The following ITGB5 variants were observed in gnomAD, a reference collection of about 807,000 sequenced individuals.
ITGB5 encodes integrin beta-5.
In ITGB5, 38 loss-of-function variants were observed where a neutral mutation model predicts 84.8. The ratio of observed to expected loss-of-function variants is 0.45; its 90% CI spans 0.35 to 0.59. ITGB5 has a LOEUF of 0.59. ITGB5 is among the 20% of genes least tolerant of loss of function. The probability of loss-of-function intolerance (pLI) is 0.01; values close to 1 mark genes in which losing one functional copy is unlikely to be tolerated. For missense variants in ITGB5, 905 were observed against 1,034.5 expected (o/e 0.87, Z 1.72); for synonymous variants, 393 against 414.4 (o/e 0.95, Z 0.63).
intron 10 of ITGB5, among the ~76,000 whole-genome samples, chr3:124,786,669 C>A (rs1449906415): frequency 2.6e-5 from 4 of 152,104 alleles, no homozygotes; most frequent in African/African-American, 9.7e-5. Flanking sequence ...AGACTTGGAG[C>A]AACTTCCAGA....
At chr3:124,769,298 T>C in intron 11 of ITGB5, 185 bp from the exon 12 acceptor site, 1 of 570,302 alleles carries the variant, frequency 1.8e-6, no homozygotes, top group Admixed American at 3.1e-5. Context: ...CAAGGGTTCT[T>C]GGAGGAGCCT....
chr3:124,817,518 G>C (rs972263829), intron 8 of ITGB5, 103 bp downstream of exon 8: 2 of 619,170 alleles, frequency 3.2e-6, no homozygotes, highest in Non-Finnish European at 5.7e-6. Flanking sequence ...GAGCCAAGAA[G>C]AGCAGCACGG....
chr3:124,892,609 C>T (rs1452070964), upstream of ITGB5, among the ~76,000 whole-genome samples: 1 of 143,066 alleles, frequency 7.0e-6, no homozygotes, highest in African/African-American at 2.6e-5. Context: ...GTGGGAGGAT[C>T]GCTTGAGCAC....
chr3:124,832,102 T>G (rs1224407461), intron 5 of ITGB5, among the ~76,000 whole-genome samples: 1 of 152,216 alleles, frequency 6.6e-6, no homozygotes, highest in Non-Finnish European at 1.5e-5. Flanking sequence ...AGGAAACTCT[T>G]AGCTCCAGAA....
upstream of ITGB5, chr3:124,887,710 T>C (rs1170309232): frequency 1.3e-5 from 6 of 453,180 alleles, no homozygotes; most frequent in South Asian, 6.2e-5. Flanking sequence ...CCGAGATTAC[T>C]TGGGCCAAAG....
intron 4 of ITGB5, among the ~76,000 whole-genome samples, chr3:124,844,205 CAAA>C (rs58956636): frequency 0.033 from 2,849 of 85,918 alleles, 101 homozygotes; most frequent in African/African-American, 0.12. Context: ...TTGGTTTTGG[CAAA>C]AAAAAAAAAA....
chr3:124,866,689 T>C (rs1174598109), intron 2 of ITGB5, among the ~76,000 whole-genome samples: 3 of 152,172 alleles, frequency 2.0e-5, no homozygotes, highest in Admixed American at 6.5e-5. Flanking sequence ...AAGGCCGACC[T>C]TTCTGGCTGG....
At chr3:124,816,784 C>A (rs2064604161) in intron 8 of ITGB5, among the ~76,000 whole-genome samples, 1 of 152,194 alleles carries the variant, frequency 6.6e-6, no homozygotes, top group African/African-American at 2.4e-5. Flanking sequence ...GATTCCTAAA[C>A]CACCTCTATA....
At chr3:124,850,547 G>A (rs1040267600) in intron 3 of ITGB5, among the ~76,000 whole-genome samples, 4 of 107,716 alleles carry the variant, frequency 3.7e-5, no homozygotes, top group Non-Finnish European at 5.2e-5. Flanking sequence ...AAACCATGGG[G>A]TGGGGGGAGG....
At chr3:124,795,546 C>T (rs769666838) in intron 10 of ITGB5, among the ~76,000 whole-genome samples, 39 of 151,912 alleles carry the variant, frequency 2.6e-4, no homozygotes, top group Non-Finnish European at 5.1e-4. Context: ...GAGATGTCCA[C>T]ATCCTAATCC....
intron 10 of ITGB5, chr3:124,787,648 C>T (rs2064100333): frequency 6.6e-6 from 1 of 152,158 alleles, no homozygotes. Flanking sequence ...CACAAAATGA[C>T]CTTCAATGAG....
intron 5 of ITGB5, among the ~76,000 whole-genome samples, chr3:124,829,065 AGTATTTCCACG>A (rs954194569): frequency 2.6e-5 from 4 of 152,264 alleles, no homozygotes; most frequent in Non-Finnish European, 4.4e-5. Flanking sequence ...TTATCATCAT[AGTATTTCCACG>A]GAGTTGAAAA....
chr3:124,818,213 G>A (rs1054739816), intron 7 of ITGB5, among the ~76,000 whole-genome samples: 2 of 152,048 alleles, frequency 1.3e-5, no homozygotes, highest in South Asian at 2.1e-4. Context: ...GCCCTCCCAC[G>A]GACCTCTGAG....
At chr3:124,765,354 A>C (rs1202320924) in intron 13 of ITGB5, among the ~76,000 whole-genome samples, 3 of 152,212 alleles carry the variant, frequency 2.0e-5, no homozygotes, top group Non-Finnish European at 4.4e-5. Flanking sequence ...GGAGCTGAGC[A>C]TGGGAGCAGC....
chr3:124,858,308 C>T (rs969430409), intron 3 of ITGB5, among the ~76,000 whole-genome samples: 1 of 152,124 alleles, frequency 6.6e-6, no homozygotes, highest in Non-Finnish European at 1.5e-5. Context: ...AATATCTCCA[C>T]TCTAAAAGTT....
At chr3:124,885,703 G>A (rs923204002) in intron 1 of ITGB5, among the ~76,000 whole-genome samples, 5 of 152,190 alleles carry the variant, frequency 3.3e-5, no homozygotes, top group Non-Finnish European at 7.3e-5. Flanking sequence ...ACTGGCTGCC[G>A]GATGGGTGTT....
intron 11 of ITGB5, among the ~76,000 whole-genome samples, chr3:124,772,278 T>TAAAC (rs1365390485): frequency 2.6e-5 from 4 of 152,152 alleles, no homozygotes; most frequent in Non-Finnish European, 2.9e-5. Context: ...CTCCTCCAAT[T>TAAAC]AAACACATTA....
intron 2 of ITGB5, among the ~76,000 whole-genome samples, chr3:124,861,654 C>G (rs571504802): frequency 7.9e-5 from 12 of 151,414 alleles, no homozygotes; most frequent in African/African-American, 2.9e-4. Flanking sequence ...CTCCGACTCC[C>G]TGGTTCAAGC....
intron 3 of ITGB5, among the ~76,000 whole-genome samples, chr3:124,856,643 G>A (rs2065225718): frequency 6.6e-6 from 1 of 152,168 alleles, no homozygotes; most frequent in South Asian, 2.1e-4. Flanking sequence ...ATAATTTTAT[G>A]TTAAAGTGGA....
Sources: allele counts gnomAD v4.1 joint callset (sites outside exome capture counted in the v4.1 genomes callset), GRCh38; gene constraint gnomAD v4.1.1; transcripts MANE v1.5; gene names NCBI Gene and HGNC (gene_info 2026-07-23, HGNC 2026-07-21).